The following DTX1 variants were observed in gnomAD, a reference collection of about 807,000 sequenced individuals.
DTX1 encodes the protein deltex E3 ubiquitin ligase 1, also known as E3 ubiquitin-protein ligase DTX1.
DTX1 carries 26 observed loss-of-function variants against 57.8 expected under a neutral mutation model. The ratio of observed to expected loss-of-function variants is 0.45; its 90% CI spans 0.33 to 0.62. The LOEUF is 0.62. DTX1 is among the 20% of genes least tolerant of loss of function. The probability of loss-of-function intolerance (pLI) is 0.02; values close to 1 mark genes in which losing one functional copy is unlikely to be tolerated. For missense variants in DTX1, 704 were observed against 895.3 expected (o/e 0.79, Z 2.73); for synonymous variants, 398 against 394.1 (o/e 1.01, Z -0.12).
chr12:113,088,569 T>C (rs918611006), intron 3 of DTX1, among the ~76,000 whole-genome samples: 1 of 152,260 alleles, frequency 6.6e-6, no homozygotes, highest in African/African-American at 2.4e-5. Flanking sequence ...TTAACAAACC[T>C]GCACGTTGTG....
intron 2 of DTX1, among the ~76,000 whole-genome samples, chr12:113,058,809 T>C (rs2044648246): frequency 1.3e-5 from 2 of 152,182 alleles, no homozygotes; most frequent in African/African-American, 4.8e-5. Context: ...AATAAGGGCT[T>C]TACATGCACT....
chr12:113,092,308 G>T (rs1383348029), intron 3 of DTX1, among the ~76,000 whole-genome samples: 1 of 144,082 alleles, frequency 6.9e-6, no homozygotes, highest in African/African-American at 2.6e-5. Context: ...ATAATTTCAC[G>T]GAATCCTCAC....
chr12:113,072,721 T>TTTTTTTAA (rs2044745143), intron 2 of DTX1, among the ~76,000 whole-genome samples: 1 of 143,352 alleles, frequency 7.0e-6, no homozygotes, highest in African/African-American at 2.7e-5. Flanking sequence ...TTTTTTTTTT[T>TTTTTTTAA]GAGACAGAGT....
rs780438914 is a variant in DTX1 at position 113,094,743 on chromosome 12, T to C, written c.1228-46T>C. On this transcript the variant is annotated intron_variant, in intron 6 of 9. Transcript: ENST00000548759. ...CAAGGGGCAGTGCTGACCCAGTAGG[T>C]GCCCTGCCCTCCCCAGTCCTCAGTC... 1.9e-6 allele frequency: 3 copies of C among 1,590,934 alleles called. No individual in the cohort carries two copies. In the Admixed American group the frequency reaches 5.1e-5, roughly 27 times the overall value.
At position 113,077,564 on chromosome 12, in the gene DTX1, G is replaced by C; in HGVS notation, c.400G>C (p.Glu134Gln). 6.2e-7 allele frequency: 1 copy of C among 1,613,828 alleles called. No homozygotes were observed. Among genetic ancestry groups the C allele is most frequent in the Non-Finnish European group, 8.5e-7 (1 of 1,179,918 alleles). Residue 134 changes from glutamate to glutamine, a missense_variant, in exon 3 of 10, where the codon GAG becomes CAG. Coordinates refer to ENST00000548759, the MANE Select transcript of DTX1 (RefSeq NM_004416.3). This position sits in a 1 kb window ranked among gnomAD's most constrained non-coding sequence, Gnocchi z 7.8. ...DICITIQNAY[E>Q]KQHPWLDLSS... ...CTGCATCACCATCCAGAACGCCTAC[G>C]AGAAGCAGCACCCGTGGCTCGACCT...
chr12:113,057,510 C>T lies in DTX1; in HGVS notation c.-683C>T, dbSNP rs1308974802. The T allele has an allele frequency of 6.7e-6, 1 of 149,856 alleles. No homozygotes were observed. Among genetic ancestry groups the T allele is most frequent in the Non-Finnish European group, 1.5e-5 (1 of 67,358 alleles). 9.3% of individuals were successfully genotyped at this position (149,856 alleles called of 1,614,324 possible). ...CCCCCGCCCCCCTCGTCCCCCTCGT[C>T]CCCCAGCCCAGCTCCGGAGCCGCAG... On this transcript the variant is annotated 5_prime_UTR_variant, in exon 2 of 10. Coordinates refer to ENST00000548759, the MANE Select transcript of DTX1 (RefSeq NM_004416.3).
chr12:113,093,078 G>A lies in DTX1; in HGVS notation c.942-84G>A, dbSNP rs1950259097. On this transcript the variant is annotated intron_variant, in intron 3 of 9. Transcript: ENST00000548759. This position sits in a 1 kb window ranked among gnomAD's most constrained non-coding sequence, Gnocchi z 4.2. Reference sequence around the variant, plus strand: ...AGAGGCCAGGGTGTGTGGCCCAGGAGCCAGAGACAGAAGGCAAGCCAGGTC... The same window carrying A: ...AGAGGCCAGGGTGTGTGGCCCAGGAACCAGAGACAGAAGGCAAGCCAGGTC... The A allele has an allele frequency of 1.1e-5, 16 of 1,412,894 alleles. 1 individual carries two copies. The South Asian group carries it at 1.9e-4, about 16-fold the overall frequency. 87.5% of individuals were successfully genotyped at this position (1,412,894 alleles called of 1,614,324 possible).
rs770996258 is a variant in DTX1, at chr12:113,077,593, A to G, written c.429A>G (p.Ser143=). Residue 143 remains serine (S), a synonymous_variant, in exon 3 of 10, where the codon TCA becomes TCG. Coordinates refer to ENST00000548759, the MANE Select transcript of DTX1 (RefSeq NM_004416.3). This position sits in a 1 kb window ranked among gnomAD's most constrained non-coding sequence, Gnocchi z 7.8. ...YEKQHPWLDL[S]SLGFCYLIYF... is the part of the protein sequence containing the mutation. ...AGCAGCACCCGTGGCTCGACCTCTCATCGCTAGGCTTCTGCTACCTCATCT... is the reference window on the plus strand; with the variant it reads ...AGCAGCACCCGTGGCTCGACCTCTCGTCGCTAGGCTTCTGCTACCTCATCT... 1.2e-6 allele frequency: 2 copies of G among 1,613,488 alleles called. No individual in the cohort carries two copies. The highest frequency in any genetic ancestry group is 1.1e-5 in the South Asian group (1 of 91,086).
At chr12:113,092,929 T>TA in intron 3 of DTX1, among the ~76,000 whole-genome samples, 1 of 152,250 alleles carries the variant, frequency 6.6e-6, no homozygotes, top group East Asian at 1.9e-4. Flanking sequence ...GTGTCTGCAC[T>TA]AAAGTCTAAG....
chr12:113,071,929 G>A (rs555350605), intron 2 of DTX1, among the ~76,000 whole-genome samples: 1 of 152,354 alleles, frequency 6.6e-6, no homozygotes, highest in African/African-American at 2.4e-5. Flanking sequence ...AAACAGGCAG[G>A]AAAATCGATA....
chr12:113,068,515 T>C (rs1233344567), intron 2 of DTX1, among the ~76,000 whole-genome samples: 1 of 152,180 alleles, frequency 6.6e-6, no homozygotes, highest in African/African-American at 2.4e-5. Context: ...TAGGACACTC[T>C]AGACAGATGG....
intron 2 of DTX1, among the ~76,000 whole-genome samples, chr12:113,071,287 C>T (rs1198772767): frequency 6.6e-6 from 1 of 152,234 alleles, no homozygotes; most frequent in Non-Finnish European, 1.5e-5. Flanking sequence ...CCAGCTTGTG[C>T]AGTCCTCCAG....
At chr12:113,078,128 G>A (rs2044789658) in intron 3 of DTX1, 23 bp downstream of exon 3, 1 of 1,340,122 alleles carries the variant, frequency 7.5e-7, no homozygotes, top group Non-Finnish European at 9.5e-7. Context: ...CCAGGGGGAG[G>A]GGGCCTCTGC....
intron 3 of DTX1, among the ~76,000 whole-genome samples, chr12:113,079,323 T>G (rs573499799): frequency 5.5e-4 from 83 of 152,206 alleles, no homozygotes; most frequent in African/African-American, 1.9e-3. Flanking sequence ...TTGATAATGA[T>G]GGTCCGAGAT....
At chr12:113,068,548 G>A (rs1242884904) in intron 2 of DTX1, among the ~76,000 whole-genome samples, 2 of 152,228 alleles carry the variant, frequency 1.3e-5, no homozygotes. Flanking sequence ...AAATACAGAG[G>A]CATAACCGCA....
At chr12:113,091,343 T>A (rs1482711746) in intron 3 of DTX1, among the ~76,000 whole-genome samples, 3 of 152,086 alleles carry the variant, frequency 2.0e-5, no homozygotes, top group Non-Finnish European at 4.4e-5. Flanking sequence ...AGTGTGCCTG[T>A]GTGTATCCAT....
chr12:113,065,249 A>AC (rs2044696176), intron 2 of DTX1, among the ~76,000 whole-genome samples: 1 of 152,114 alleles, frequency 6.6e-6, no homozygotes, highest in Non-Finnish European at 1.5e-5. Flanking sequence ...GGTTCCCTTC[A>AC]CCCAGCCAGC....
intron 3 of DTX1, among the ~76,000 whole-genome samples, chr12:113,087,173 C>G (rs2044867063): frequency 6.6e-6 from 1 of 152,112 alleles, no homozygotes; most frequent in Non-Finnish European, 1.5e-5. Flanking sequence ...ATCTGAGCCT[C>G]CAATACCACT....
At chr12:113,059,610 C>T (rs2044652794) in intron 2 of DTX1, among the ~76,000 whole-genome samples, 1 of 152,016 alleles carries the variant, frequency 6.6e-6, no homozygotes, top group African/African-American at 2.4e-5. Flanking sequence ...GCAGTGGGGA[C>T]TGGTGGGGTC....
Sources: allele counts gnomAD v4.1 joint callset (sites outside exome capture counted in the v4.1 genomes callset), GRCh38; gene constraint gnomAD v4.1.1; non-coding constraint Gnocchi (gnomAD v3.1); transcripts MANE v1.5; gene names NCBI Gene and HGNC (gene_info 2026-07-23, HGNC 2026-07-21).